APC2: variants seen among roughly 807,000 people sequenced by gnomAD.
APC2 encodes the protein APC regulator of Wnt signaling pathway 2.
Under a neutral mutation model 72.5 loss-of-function variants are expected in APC2, and 41 were observed. The ratio of observed to expected loss-of-function variants is 0.57; its 90% CI spans 0.44 to 0.73. APC2 has a LOEUF of 0.73. Among genes scored for constraint, APC2 ranks in the 30% least tolerant of loss-of-function variants. APC2 has a pLI of 0.00. For missense variants in APC2, 3,729 were observed against 3,403.4 expected (o/e 1.10, Z -2.38); for synonymous variants, 1,898 against 1,612.0 (o/e 1.18, Z -4.25).
At chr19:1,459,892 G>A (rs919944841) in intron 10 of APC2, among the ~76,000 whole-genome samples, 3 of 152,228 alleles carry the variant, frequency 2.0e-5, no homozygotes, top group Admixed American at 1.3e-4. Context: ...TCCAGGCTGA[G>A]GGAACAACAG....
At position 1,466,203 on chromosome 19, in the gene APC2, G is replaced by C. The variant is rs758820993; in HGVS notation, c.2902G>C (p.Asp968His). 1.9e-6 allele frequency: 3 copies of C among 1,555,094 alleles called. No individual in the cohort carries two copies. Among genetic ancestry groups the C allele is most frequent in the Non-Finnish European group, 2.6e-6 (3 of 1,160,274 alleles). ...TGGGCAGCCTCGGCCCAGCCGGCTT[G>C]ACCTTGACCTGCCCGGCTGCCAGGC... ...RCGQPRPSRL[D>H]LDLPGCQAEP... The change falls in exon 15 of 15, where the codon GAC (aspartate) becomes CAC (histidine). Residue 968 changes from aspartate to histidine, a missense_variant. By Grantham distance (81) the Asp-to-His change is moderately conservative. Transcript: ENST00000590469.
At chr19:1,456,793 G>T in intron 8 of APC2, 60 bp from the exon 9 acceptor site, 2 of 1,544,726 alleles carry the variant, frequency 1.3e-6, no homozygotes, top group Admixed American at 4.1e-5. Context: ...GCTCCGACCG[G>T]GTTTCCAGGT....
At chr19:1,457,274 C>T (rs1436991155) in intron 9 of APC2, 31 bp downstream of exon 9, 2 of 1,487,402 alleles carry the variant, frequency 1.3e-6, no homozygotes, top group Non-Finnish European at 1.8e-6. Context: ...GCCCCCTCCG[C>T]GCAATTAACG....
chr19:1,456,605 G>C (rs1467721856), intron 8 of APC2, among the ~76,000 whole-genome samples: 1 of 152,148 alleles, frequency 6.6e-6, no homozygotes, highest in Non-Finnish European at 1.5e-5. Context: ...CGTAGCGGGG[G>C]CTAAGTGGGG....
chr19:1,468,008 T>C lies in APC2; in HGVS notation c.4707T>C (p.Ile1569=), dbSNP rs1257346269. The C allele has an allele frequency of 6.3e-7, 1 of 1,586,212 alleles. No homozygotes were observed. Among genetic ancestry groups the C allele is most frequent in the East Asian group, 2.3e-5 (1 of 42,980 alleles). ...PPPARTQPSL[I]ADETPPCYSL... ...CCGCCCGGACCCAGCCCAGCCTCAT[T>C]GCTGACGAGACCCCGCCCTGCTACT... Residue 1569 remains isoleucine (I), a synonymous_variant, in exon 15 of 15, where the codon ATT becomes ATC. Transcript: ENST00000590469.
chr19:1,452,739 G>C lies in APC2; in HGVS notation c.-18-245G>C. 1 of 519,818 alleles carries C rather than the reference G, an allele frequency of 1.9e-6. No individual in the cohort carries two copies. The highest frequency in any genetic ancestry group is 1.9e-5 in the African/African-American group (1 of 52,596). The allele number at this position is 519,818 out of a possible 1,614,324, so 32.2% of individuals were successfully genotyped here. On this transcript the variant is annotated intron_variant, in intron 1 of 14. Transcript: ENST00000590469. This position sits in a 1 kb window ranked among gnomAD's most constrained non-coding sequence, Gnocchi z 5.1. ...TGGACGTTCAGCTGTCTGTACGTCT[G>C]TCTGCTGGCCCCTCTGTCTCCCCTT...
rs1357177862 is a variant in APC2 at position 1,466,712 on chromosome 19, G to C, written c.3411G>C (p.Leu1137=). 2 of 1,532,254 alleles carry C rather than the reference G, an allele frequency of 1.3e-6. No homozygotes were observed. The highest frequency in any genetic ancestry group is 4.0e-5 in the Admixed American group (2 of 50,556). The allele number at this position is 1,532,254 out of a possible 1,614,324, so 94.9% of individuals were successfully genotyped here. A position where few individuals can be genotyped will look rare whatever the true frequency, so the allele number is the denominator to read the frequency against. ...PAPRRNRGRG[L]GVEDATPSSS... is the part of the protein sequence containing the mutation. ...CCCGGCGTAACCGAGGCCGGGGCCT[G>C]GGGGTGGAAGACGCCACGCCGTCCA... is the stretch of plus-strand genomic sequence containing the variant. The change falls in exon 15 of 15, where the codon CTG becomes CTC. Residue 1137 remains leucine (L), a synonymous_variant. Transcript: ENST00000590469.
chr19:1,461,219 G>A (rs2083917653), intron 13 of APC2, 66 bp downstream of exon 13: 1 of 1,401,932 alleles, frequency 7.1e-7, no homozygotes, highest in Non-Finnish European at 1.0e-6. Context: ...GGCGGCAGCG[G>A]GCGAGCTCTC....
intron 9 of APC2, 70 bp from the exon 10 acceptor site, chr19:1,457,895 C>CGGGGAGGGGGG: frequency 1.6e-6 from 2 of 1,233,428 alleles, no homozygotes; most frequent in South Asian, 2.6e-5. Flanking sequence ...GGGCGGGTTG[C>CGGGGAGGGGGG]GGGACCTTCG....
Position 1,452,753 on chromosome 19 carries a change from C to G in APC2, c.-18-231C>G. 3.7e-6 allele frequency: 2 copies of G among 544,340 alleles called. No homozygotes were observed. Among genetic ancestry groups the G allele is most frequent in the Middle Eastern group, 4.8e-4 (1 of 2,062 alleles). 33.7% of individuals were successfully genotyped at this position (544,340 alleles called of 1,614,324 possible). A position where few individuals can be genotyped will look rare whatever the true frequency, so the allele number is the denominator to read the frequency against. Reference sequence around the variant, plus strand: ...TCTGTACGTCTGTCTGCTGGCCCCTCTGTCTCCCCTTGGGGCCACCTCTCA... The same window carrying G: ...TCTGTACGTCTGTCTGCTGGCCCCTGTGTCTCCCCTTGGGGCCACCTCTCA... On this transcript the variant is annotated intron_variant, in intron 1 of 14. Coordinates refer to ENST00000590469, the MANE Select transcript of APC2 (RefSeq NM_005883.3). This position sits in a 1 kb window ranked among gnomAD's most constrained non-coding sequence, Gnocchi z 5.1.
At position 1,467,742 on chromosome 19, in the gene APC2, G is replaced by C. The variant is rs1208234450; in HGVS notation, c.4441G>C (p.Gly1481Arg). 7.7e-6 allele frequency: 11 copies of C among 1,436,110 alleles called. No individual in the cohort carries two copies. Among genetic ancestry groups the C allele is most frequent in the Non-Finnish European group, 1.0e-5 (11 of 1,103,014 alleles). The allele number at this position is 1,436,110 out of a possible 1,614,324, so 89.0% of individuals were successfully genotyped here. A position where few individuals can be genotyped will look rare whatever the true frequency, so the allele number is the denominator to read the frequency against. Residue 1481 changes from glycine to arginine, a missense_variant, in exon 15 of 15, where the codon GGC becomes CGC. By Grantham distance (125) the Gly-to-Arg change is moderately radical. Coordinates refer to ENST00000590469, the MANE Select transcript of APC2 (RefSeq NM_005883.3). ...RPPSAPADKD[G>R]SKPGRTRGDG... is the part of the protein sequence containing the mutation. ...CCCGAGCGCCCCCGCAGACAAGGAC[G>C]GCTCAAAGCCCGGCCGGACCCGCGG...
In APC2 at chr19:1,465,570, C is replaced by T. The variant is rs1038065709; in HGVS notation, c.2269C>T (p.Pro757Ser). 1.3e-6 allele frequency: 2 copies of T among 1,555,314 alleles called. No individual in the cohort carries two copies. Among genetic ancestry groups the T allele is most frequent in the Non-Finnish European group, 1.7e-6 (2 of 1,152,102 alleles). ...GGCAGCCGAGGCCGCCACTAAGAAGCCGCTGCCGCCCCTGCGACACCTGGA... is the reference window on the plus strand; with the variant it reads ...GGCAGCCGAGGCCGCCACTAAGAAGTCGCTGCCGCCCCTGCGACACCTGGA... ...PPAAEAATKK[P>S]LPPLRHLDGL... Residue 757 changes from proline (P) to serine (S), a missense_variant, in exon 15 of 15, where the codon CCG becomes TCG. By Grantham distance (74) the Pro-to-Ser change is moderately conservative. Transcript: ENST00000590469.
In APC2 at chr19:1,457,224, G is replaced by A. The variant is rs1291942983; in HGVS notation, c.1188G>A (p.Glu396=). ...DWLQARDGGP[E]GGGAGSAPIP... is the part of the protein sequence containing the mutation. ...TGCAGGCCCGAGACGGCGGGCCCGA[G>A]GGAGGTGGCGCCGGCAGCGGTGAGT... Residue 396 remains glutamate (E), a synonymous_variant, in exon 9 of 15, where the codon GAG becomes GAA. Coordinates refer to ENST00000590469, the MANE Select transcript of APC2 (RefSeq NM_005883.3). 5.9e-6 allele frequency: 9 copies of A among 1,537,968 alleles called. No homozygotes were observed. In the Admixed American group the frequency reaches 6.0e-5, roughly 10 times the overall value.
chr19:1,465,205 C>A lies in APC2; in HGVS notation c.1904C>A (p.Thr635Asn). The change falls in exon 15 of 15, where the codon ACT becomes AAT. Residue 635 changes from threonine to asparagine, a missense_variant. Transcript: ENST00000590469. ...CTGCAGACGCTGCTGCAGCATCTGACTTCGCACAGCCTGACCATCGTGAGC... is the reference window on the plus strand; with the variant it reads ...CTGCAGACGCTGCTGCAGCATCTGAATTCGCACAGCCTGACCATCGTGAGC... ...NCLQTLLQHL[T>N]SHSLTIVSNA... 1 of 1,609,618 alleles carries A rather than the reference C, an allele frequency of 6.2e-7. No homozygotes were observed. Among genetic ancestry groups the A allele is most frequent in the Non-Finnish European group, 8.5e-7 (1 of 1,178,874 alleles).
In APC2 at chr19:1,467,900, C is replaced by T. The variant is rs1182077131; in HGVS notation, c.4599C>T (p.Ile1533=). The T allele has an allele frequency of 1.3e-6, 2 of 1,583,202 alleles. No individual in the cohort carries two copies. Among genetic ancestry groups the T allele is most frequent in the Non-Finnish European group, 1.7e-6 (2 of 1,173,246 alleles). ...CAACCCACCGGCGCACATCGGCCAT[C>T]CCTCGCGCTTTTACGCGGGAGCGTC... ...PTPTHRRTSA[I]PRAFTRERPQ... The change falls in exon 15 of 15, where the codon ATC becomes ATT. Residue 1533 remains isoleucine, a synonymous_variant. Transcript: ENST00000590469.
In APC2 at chr19:1,466,206, C is replaced by A; in HGVS notation, c.2905C>A (p.Leu969Ile). The A allele has an allele frequency of 6.4e-7, 1 of 1,558,414 alleles. No homozygotes were observed. Among genetic ancestry groups the A allele is most frequent in the African/African-American group, 1.4e-5 (1 of 72,984 alleles). The change falls in exon 15 of 15, where the codon CTT becomes ATT. Residue 969 changes from leucine (L) to isoleucine (I), a missense_variant. By Grantham distance (5) the Leu-to-Ile change is conservative. Coordinates refer to ENST00000590469, the MANE Select transcript of APC2 (RefSeq NM_005883.3). ...CGQPRPSRLD[L>I]DLPGCQAEPP... ...GCAGCCTCGGCCCAGCCGGCTTGAC[C>A]TTGACCTGCCCGGCTGCCAGGCCGA...
chr19:1,458,272 G>A (rs1346992457), intron 10 of APC2: 5 of 592,756 alleles, frequency 8.4e-6, no homozygotes, highest in South Asian at 4.0e-5. Context: ...GTGGCCTCCC[G>A]ATCTGGTCTG....
chr19:1,447,586 T>G (rs1038265467), upstream of APC2, among the ~76,000 whole-genome samples: 2 of 150,856 alleles, frequency 1.3e-5, no homozygotes, highest in Admixed American at 1.3e-4. Flanking sequence ...GGGGGGTTCT[T>G]GAGGCTCTGA....
intron 7 of APC2, 28 bp downstream of exon 7, chr19:1,456,181 A>G (rs1469617529): frequency 1.3e-6 from 2 of 1,567,564 alleles, no homozygotes; most frequent in South Asian, 2.3e-5. Flanking sequence ...GCCAGGGACC[A>G]GGGGTGGTGT....
Sources: gnomAD v4.1 joint callset for allele counts (sites outside exome capture counted in the v4.1 genomes callset) on GRCh38, gnomAD v4.1.1 for gene constraint, Gnocchi (gnomAD v3.1) non-coding constraint, MANE v1.5 for transcripts, NCBI Gene and HGNC (gene_info 2026-07-23, HGNC 2026-07-21) for gene names.